Variants in PRELID2 observed in about 807,000 individuals in gnomAD.
PRELID2 encodes the protein PRELI domain containing 2.
A neutral mutation model predicts 28.4 loss-of-function variants in PRELID2; 25 were observed. The ratio of observed to expected loss-of-function variants is 0.88; its 90% CI spans 0.64 to 1.23. PRELID2 has a LOEUF of 1.23. PRELID2 is among the 50% of genes most tolerant of loss of function. The pLI is 0.00. For missense variants in PRELID2, 201 were observed against 214.4 expected (o/e 0.94, Z 0.39); for synonymous variants, 76 against 71.6 (o/e 1.06, Z -0.31).
the PRELID2 span, among the ~76,000 whole-genome samples, chr5:145,397,221 A>C: frequency 9.2e-5 from 14 of 152,156 alleles, no homozygotes; most frequent in African/African-American, 3.4e-4. Context: ...ATTTCCCTCT[A>C]CATGTTCCGA....
the PRELID2 span, chr5:145,381,772 C>CCA: frequency 1.3e-5 from 2 of 152,152 alleles, no homozygotes; most frequent in Non-Finnish European, 2.9e-5. Context: ...ACCACAAGTT[C>CCA]AAGATAATCA....
At chr5:145,655,237 A>G (rs573363438) in intron 1 of PRELID2, among the ~76,000 whole-genome samples, 102 of 152,168 alleles carry the variant, frequency 6.7e-4, no homozygotes, top group Non-Finnish European at 4.3e-4. Flanking sequence ...CCACTGCTCA[A>G]TGAAATAAAA....
Position 145,834,395 on chromosome 5 carries a change from G to C in PRELID2, c.75+782C>G, listed in dbSNP as rs377185865. Among the ~76,000 whole-genome samples the C allele has an allele frequency of 2.0e-5, 3 of 152,220 alleles. No homozygotes were observed. In the South Asian group the frequency reaches 6.2e-4, roughly 32 times the overall value. Reference sequence around the variant, plus strand: ...AAGTTCCTGGAATTTGTGATACAAAGAACAATGTACAGACAATCAATAGTT... The same window carrying C: ...AAGTTCCTGGAATTTGTGATACAAACAACAATGTACAGACAATCAATAGTT... On this transcript the variant is annotated intron_variant, in intron 1 of 6. Coordinates refer to ENST00000683046, the MANE Select transcript of PRELID2 (RefSeq NM_205846.3).
intron 1 of PRELID2, among the ~76,000 whole-genome samples, chr5:145,599,206 A>G (rs1282613380): frequency 6.6e-6 from 1 of 152,220 alleles, no homozygotes; most frequent in Non-Finnish European, 1.5e-5. Context: ...TGCCCATGAC[A>G]GTTCTATTAC....
rs929346159 is a variant in PRELID2, at chr5:145,564,666, T to C, written n.71-91351A>G. 4.6e-5 allele frequency among the ~76,000 whole-genome samples: 7 copies of C among 152,226 alleles called. No individual in the cohort carries two copies. The East Asian group carries it at 1.2e-3, about 25-fold the overall frequency. ...TTTTCTTCCTCTCTCCTGGACTTCA[T>C]GTGAGCAGAAGCACAGCTCTACAGA... On this transcript the variant is annotated intron_variant and non_coding_transcript_variant, in intron 1 of 2. Transcript: ENST00000510259.
At chr5:145,512,335 T>C (rs1309012564) in intron 1 of PRELID2, among the ~76,000 whole-genome samples, 3 of 152,058 alleles carry the variant, frequency 2.0e-5, no homozygotes, top group African/African-American at 7.2e-5. Flanking sequence ...TCGCCTCACT[T>C]GGGAAGTGCG....
At chr5:145,277,247 C>T in the PRELID2 span, among the ~76,000 whole-genome samples, 2,302 of 152,158 alleles carry the variant, frequency 0.015, 64 homozygotes, top group African/African-American at 0.052. Flanking sequence ...AAAATAAGAT[C>T]GCAAATACAA....
rs1003510776 is a variant in PRELID2, at chr5:145,714,551, C to T, written n.70+50380G>A. Among the ~76,000 whole-genome samples the T allele has an allele frequency of 2.0e-5, 3 of 152,174 alleles. No individual in the cohort carries two copies. In the South Asian group the frequency reaches 6.2e-4, roughly 32 times the overall value. Reference sequence around the variant, plus strand: ...TCCCTAGAATATTTCAAGAATTCTGCCTTTCCAGGAAATAATATGTGTTAA... The same window carrying T: ...TCCCTAGAATATTTCAAGAATTCTGTCTTTCCAGGAAATAATATGTGTTAA... On this transcript the variant is annotated intron_variant and non_coding_transcript_variant, in intron 1 of 2. Transcript: ENST00000510259.
intron 1 of PRELID2, among the ~76,000 whole-genome samples, chr5:145,750,536 A>G (rs777274777): frequency 6.6e-6 from 1 of 152,168 alleles, no homozygotes; most frequent in Non-Finnish European, 1.5e-5. Context: ...AGATTTCTTA[A>G]GTTTTCATCT....
intron 1 of PRELID2, among the ~76,000 whole-genome samples, chr5:145,566,257 C>G (rs2126698552): frequency 6.6e-6 from 1 of 152,284 alleles, no homozygotes; most frequent in Admixed American, 6.5e-5. Flanking sequence ...CTGACATATT[C>G]TAAATTCTTT....
chr5:145,604,485 T>C (rs1210520444), intron 1 of PRELID2, among the ~76,000 whole-genome samples: 1 of 152,180 alleles, frequency 6.6e-6, no homozygotes, highest in Non-Finnish European at 1.5e-5. Context: ...CTATCACTGA[T>C]AGACATTTGG....
intron 1 of PRELID2, among the ~76,000 whole-genome samples, chr5:145,638,376 G>A (rs1754039072): frequency 6.6e-6 from 1 of 151,894 alleles, no homozygotes; most frequent in African/African-American, 2.4e-5. Flanking sequence ...TGACAACATG[G>A]CCTCCTCACC....
the PRELID2 span, among the ~76,000 whole-genome samples, chr5:145,258,359 G>A: frequency 6.6e-6 from 1 of 152,172 alleles, no homozygotes; most frequent in South Asian, 2.1e-4. Flanking sequence ...GGAAAATTTG[G>A]AACATCTTAG....
At chr5:145,787,463 T>C (rs1247064487) in intron 5 of PRELID2, among the ~76,000 whole-genome samples, 4 of 151,922 alleles carry the variant, frequency 2.6e-5, no homozygotes, top group Non-Finnish European at 4.4e-5. Context: ...TTTGGAGGAG[T>C]AGAGACAAAA....
the PRELID2 span, among the ~76,000 whole-genome samples, chr5:145,355,373 T>G: frequency 6.6e-6 from 1 of 152,284 alleles, no homozygotes; most frequent in South Asian, 2.1e-4. Context: ...AAGTATTTTT[T>G]AAGAATTTTT....
chr5:145,751,934 AT>A (rs1757134396), downstream of PRELID2, among the ~76,000 whole-genome samples: 1 of 152,196 alleles, frequency 6.6e-6, no homozygotes, highest in Admixed American at 6.5e-5. Context: ...GTGAGCTGAG[AT>A]CGTGCCATTG....
At chr5:145,560,924 G>A (rs772416505) in intron 1 of PRELID2, among the ~76,000 whole-genome samples, 11 of 151,990 alleles carry the variant, frequency 7.2e-5, no homozygotes, top group Non-Finnish European at 1.2e-4. Flanking sequence ...GAGAAATACA[G>A]AACAGCTGTC....
chr5:145,610,020 T>A (rs972158340), intron 1 of PRELID2, among the ~76,000 whole-genome samples: 1 of 152,224 alleles, frequency 6.6e-6, no homozygotes, highest in South Asian at 2.1e-4. Context: ...CCAAGGCTTA[T>A]AGAGGTCCTG....
intron 1 of PRELID2, among the ~76,000 whole-genome samples, chr5:145,492,126 T>A (rs1752275004): frequency 6.6e-6 from 1 of 152,212 alleles, no homozygotes; most frequent in Middle Eastern, 3.2e-3. Context: ...ATTTCCATAA[T>A]GACTGGACTA....
Sources: allele counts gnomAD v4.1 joint callset (sites outside exome capture counted in the v4.1 genomes callset), GRCh38; gene constraint gnomAD v4.1.1; transcripts MANE v1.5; gene names NCBI Gene and HGNC (gene_info 2026-07-23, HGNC 2026-07-21).